DIAPH2: variants seen among roughly 807,000 people sequenced by gnomAD.
The protein encoded by DIAPH2 is protein diaphanous homolog 2.
A neutral mutation model predicts 92.7 loss-of-function variants in DIAPH2; 35 were observed. That is an observed-to-expected ratio of 0.38 (90% CI 0.29 to 0.50). DIAPH2 has a LOEUF of 0.50. Among genes scored for constraint, DIAPH2 ranks in the 20% least tolerant of loss-of-function variants. The pLI is 0.94. For synonymous variants in DIAPH2, 301 were observed against 280.4 expected (o/e 1.07, Z -0.73); for missense variants, 701 against 819.5 (o/e 0.86, Z 1.77).
chrX:97,506,447 A>G (rs1602634218), intron 26 of DIAPH2, among the ~76,000 whole-genome samples: 1 of 66,679 alleles, frequency 1.5e-5, no homozygotes. Flanking sequence ...CACCATGCCC[A>G]GCCCTTTTTT....
At chrX:96,929,730 GTATCTTTATATAA>G (rs1372299212) in intron 9 of DIAPH2, among the ~76,000 whole-genome samples, 10 of 110,741 alleles carry the variant, frequency 9.0e-5, no homozygotes, top group Admixed American at 8.7e-4. Context: ...TAAATACTTA[GTATCTTTATATAA>G]TATGTTTTTT....
intron 26 of DIAPH2, among the ~76,000 whole-genome samples, chrX:97,589,176 G>A (rs2147884847): frequency 1.0e-5 from 1 of 100,035 alleles, no homozygotes; most frequent in South Asian, 5.0e-4. Context: ...AATTAGCTGG[G>A]CATGATGACG....
intron 26 of DIAPH2, among the ~76,000 whole-genome samples, chrX:97,484,662 G>T (rs1415300185): frequency 8.9e-6 from 1 of 111,989 alleles, no homozygotes; most frequent in Non-Finnish European, 1.9e-5. Context: ...ACTTTGGGAG[G>T]CCGAGGCGGG....
chrX:96,804,927 G>A lies in DIAPH2; in HGVS notation c.447+46669G>A, dbSNP rs1026600749. The stretch of plus-strand genomic sequence containing the variant: ...AGAAAAGCATATAATTTATCAGGGT[G>A]TCATTTTTAAATGTGGAAGCCCTTA... On this transcript the variant is annotated intron_variant, in intron 4 of 26. Coordinates refer to ENST00000324765, the MANE Select transcript of DIAPH2 (RefSeq NM_006729.5). 2.7e-5 allele frequency among the ~76,000 whole-genome samples: 3 copies of A among 111,039 alleles called. No homozygotes were observed. In the Admixed American group the frequency reaches 2.9e-4, roughly 11 times the overall value.
chrX:96,813,312 A>C (rs1602530134), intron 4 of DIAPH2, among the ~76,000 whole-genome samples: 1 of 108,987 alleles, frequency 9.2e-6, no homozygotes. Context: ...TGTTGGTTTA[A>C]AGTCTGTTTT....
chrX:96,962,392 CACAT>C (rs2065862941), intron 16 of DIAPH2, among the ~76,000 whole-genome samples: 1 of 55,576 alleles, frequency 1.8e-5, no homozygotes, highest in African/African-American at 9.6e-5. Flanking sequence ...CATATATATA[CACAT>C]ATATATACAC....
At chrX:97,031,703 A>G (rs2066375888) in intron 17 of DIAPH2, among the ~76,000 whole-genome samples, 1 of 111,670 alleles carries the variant, frequency 9.0e-6, no homozygotes, top group African/African-American at 3.3e-5. Flanking sequence ...GAAGATAGAT[A>G]GGTAATCAAT....
intron 4 of DIAPH2, among the ~76,000 whole-genome samples, chrX:96,788,896 A>G (rs183055136): frequency 1.2e-4 from 13 of 112,300 alleles, no homozygotes; most frequent in Non-Finnish European, 2.3e-4. Context: ...TGAGGGGAGC[A>G]CCCAAGTATT....
At chrX:97,559,382 C>T (rs984887583) in intron 26 of DIAPH2, among the ~76,000 whole-genome samples, 4 of 108,992 alleles carry the variant, frequency 3.7e-5, no homozygotes, top group African/African-American at 1.0e-4. Flanking sequence ...CCCAGCTACT[C>T]GGGAGGCTGA....
intron 17 of DIAPH2, among the ~76,000 whole-genome samples, chrX:97,008,575 G>A (rs1052006590): frequency 9.0e-6 from 1 of 111,567 alleles, no homozygotes; most frequent in Non-Finnish European, 1.9e-5. Flanking sequence ...GACTTTTCAG[G>A]TATTTGAAGG....
intron 22 of DIAPH2, among the ~76,000 whole-genome samples, chrX:97,184,990 T>C (rs73548609): frequency 0.15 from 15,761 of 107,659 alleles, 1,888 homozygotes; most frequent in African/African-American, 0.39. Context: ...ATATATTCTT[T>C]GTACTTGGCT....
intron 25 of DIAPH2, among the ~76,000 whole-genome samples, chrX:97,389,300 C>T (rs1714114763): frequency 1.8e-5 from 2 of 108,950 alleles, no homozygotes; most frequent in African/African-American, 6.7e-5. Context: ...AACCCCGTCT[C>T]TACTAAAAAT....
At position 96,971,954 on chromosome X, in the gene DIAPH2, G is replaced by A. The variant is rs193162222; in HGVS notation, c.2050+6747G>A. 8.1e-5 allele frequency among the ~76,000 whole-genome samples: 9 copies of A among 111,636 alleles called. No individual in the cohort carries two copies. In the East Asian group the frequency reaches 2.2e-3, roughly 28 times the overall value. ...TAACTGCTGAAGTTCCTTGTCATTC[G>A]CAGTGCCTTGATTCATACTGTGGTC... On this transcript the variant is annotated intron_variant, in intron 17 of 26. Transcript: ENST00000324765.
chrX:96,816,284 G>T (rs2064734162), intron 4 of DIAPH2, among the ~76,000 whole-genome samples: 1 of 111,982 alleles, frequency 8.9e-6, no homozygotes, highest in Non-Finnish European at 1.9e-5. Flanking sequence ...ATGCTGCAAT[G>T]AACATGGGAG....
chrX:96,805,364 T>A (rs1391027807), intron 4 of DIAPH2, among the ~76,000 whole-genome samples: 1 of 110,151 alleles, frequency 9.1e-6, no homozygotes, highest in East Asian at 2.9e-4. Flanking sequence ...GTGGAGAATG[T>A]GATACTTGAG....
intron 5 of DIAPH2, among the ~76,000 whole-genome samples, chrX:96,905,461 A>G (rs1323023482): frequency 2.7e-5 from 3 of 111,168 alleles, no homozygotes; most frequent in Non-Finnish European, 5.7e-5. Flanking sequence ...CAATAGGTAC[A>G]TTTATAGAAA....
intron 5 of DIAPH2, among the ~76,000 whole-genome samples, chrX:96,892,687 G>A (rs1314280497): frequency 1.8e-5 from 2 of 111,889 alleles, no homozygotes; most frequent in Non-Finnish European, 3.8e-5. Context: ...ATTAGGCACA[G>A]CAAATACTCG....
At chrX:97,581,099 G>A (rs2071438424) in intron 26 of DIAPH2, among the ~76,000 whole-genome samples, 1 of 104,247 alleles carries the variant, frequency 9.6e-6, no homozygotes, top group Admixed American at 1.1e-4. Flanking sequence ...TGTCAATTTT[G>A]TTGATCCTTT....
At chrX:97,161,067 T>C (rs1359530801) in intron 22 of DIAPH2, among the ~76,000 whole-genome samples, 10 of 104,023 alleles carry the variant, frequency 9.6e-5, no homozygotes, top group East Asian at 3.0e-4. Context: ...TTTTTTTTTT[T>C]CCTCCCTAGG....
Sources: allele counts gnomAD v4.1 joint callset (sites outside exome capture counted in the v4.1 genomes callset), GRCh38; gene constraint gnomAD v4.1.1; transcripts MANE v1.5; gene names NCBI Gene and HGNC (gene_info 2026-07-23, HGNC 2026-07-21).